DGKI: variants seen among roughly 807,000 people sequenced by gnomAD.
The protein encoded by DGKI is diacylglycerol kinase iota, also known as DAG kinase iota.
DGKI carries 55 observed loss-of-function variants against 147.5 expected under a neutral mutation model. That is an observed-to-expected ratio of 0.37 (90% CI 0.30 to 0.47). DGKI has a LOEUF of 0.47. Ranked by LOEUF, DGKI falls within the 20% of genes least tolerant of loss-of-function variation. The pLI is 1.00. For missense variants in DGKI, 1,007 were observed against 1,323.8 expected, an observed-to-expected ratio of 0.76 and a Z score of 3.71; for synonymous variants, 469 against 477.1, an observed-to-expected ratio of 0.98 and a Z score of 0.22.
chr7:137,585,017 A>AT lies in DGKI; in HGVS notation c.1563+191dup, dbSNP rs375757251. ...TTGGAAGCAGGTACGGAATCTAGGT[A>AT]TTTAGAGGTCTATGGGGCAGAATCA... On this transcript the variant is annotated intron_variant, in intron 14 of 32. Transcript: ENST00000614521. 4.7e-3 allele frequency among the ~76,000 whole-genome samples: 715 copies of AT among 152,332 alleles called. 7 individuals are homozygous for AT. Among genetic ancestry groups the AT allele is most frequent in the African/African-American group, 0.017 (687 of 41,584 alleles).
chr7:137,839,523 C>A (rs1372582026), intron 1 of DGKI, among the ~76,000 whole-genome samples: 1 of 152,122 alleles, frequency 6.6e-6, no homozygotes, highest in Non-Finnish European at 1.5e-5. Context: ...TCAAATAATT[C>A]TACAGGATGA....
At chr7:137,777,942 T>G (rs1796407883) in intron 1 of DGKI, among the ~76,000 whole-genome samples, 2 of 152,328 alleles carry the variant, frequency 1.3e-5, no homozygotes, top group South Asian at 2.1e-4. Flanking sequence ...ATCATGTGGC[T>G]ATTCAGTCCG....
chr7:137,629,027 T>C (rs984315513), intron 6 of DGKI, among the ~76,000 whole-genome samples: 1 of 152,226 alleles, frequency 6.6e-6, no homozygotes, highest in African/African-American at 2.4e-5. Flanking sequence ...CAAGAGTTGA[T>C]ATTCCTCCTA....
Position 137,638,617 on chromosome 7 carries a change from C to CATATATGTATATATGTGTATATAT in DGKI, c.804+6854_804+6855insATATATACACATATATACATATAT, listed in dbSNP as rs1563125886. Among the ~76,000 whole-genome samples, 24 of 5,590 alleles carry CATATATGTATATATGTGTATATAT rather than the reference C, an allele frequency of 4.3e-3. 6 individuals are homozygous for CATATATGTATATATGTGTATATAT. The highest frequency in any genetic ancestry group is 9.7e-3 in the African/African-American group (24 of 2,482). The allele number at this position is 5,590 out of a possible 152,430, so 3.7% of individuals were successfully genotyped here. On this transcript the variant is annotated intron_variant, in intron 6 of 32. Coordinates refer to ENST00000614521, the MANE Select transcript of DGKI (RefSeq NM_001321708.2). ...ATACATATATGTATATATATACACA[C>CATATATGTATATATGTGTATATAT]ACACATATATATGTGTGTATATATG...
intron 5 of DGKI, among the ~76,000 whole-genome samples, chr7:137,649,758 ATT>A (rs1182171659): frequency 1.1e-4 from 16 of 148,138 alleles, no homozygotes; most frequent in African/African-American, 3.7e-4. Flanking sequence ...GAAATAAAAA[ATT>A]TTATATATAT....
intron 20 of DGKI, among the ~76,000 whole-genome samples, chr7:137,532,863 A>G (rs1817388575): frequency 6.6e-6 from 1 of 152,216 alleles, no homozygotes; most frequent in Admixed American, 6.5e-5. Flanking sequence ...ATGACAGAAT[A>G]AAGACATTTC....
At chr7:137,480,153 C>T (rs1815322720) in intron 23 of DGKI, among the ~76,000 whole-genome samples, 1 of 152,142 alleles carries the variant, frequency 6.6e-6, no homozygotes, top group Admixed American at 6.5e-5. Flanking sequence ...TGTCTTCACT[C>T]GTAAGAGACA....
At chr7:137,441,284 GGTGGCGGCCGCCT>G (rs1321116573) in intron 28 of DGKI, among the ~76,000 whole-genome samples, 1 of 152,020 alleles carries the variant, frequency 6.6e-6, no homozygotes, top group Non-Finnish European at 1.5e-5. Context: ...AGCCGGGCAT[GGTGGCGGCCGCCT>G]GTAGTCCCAG....
intron 3 of DGKI, among the ~76,000 whole-genome samples, chr7:137,675,947 C>G (rs1823022912): frequency 6.6e-6 from 1 of 152,178 alleles, no homozygotes; most frequent in Non-Finnish European, 1.5e-5. Flanking sequence ...GCTCCTAATA[C>G]TCAGCTGTAG....
intron 20 of DGKI, among the ~76,000 whole-genome samples, chr7:137,536,223 A>G (rs970033434): frequency 1.3e-5 from 2 of 152,188 alleles, no homozygotes; most frequent in Non-Finnish European, 2.9e-5. Context: ...AACTTTATCA[A>G]TGTATAGCAT....
chr7:137,545,229 C>T (rs1383548067), intron 20 of DGKI, among the ~76,000 whole-genome samples: 1 of 151,922 alleles, frequency 6.6e-6, no homozygotes, highest in Non-Finnish European at 1.5e-5. Context: ...TGTAACAGTC[C>T]CTGAAACATA....
At chr7:137,560,175 C>A (rs1421407925) in intron 19 of DGKI, among the ~76,000 whole-genome samples, 2 of 151,690 alleles carry the variant, frequency 1.3e-5, no homozygotes, top group Admixed American at 1.3e-4. Flanking sequence ...ATGAAAAAAA[C>A]AAAATTATTG....
chr7:137,685,350 G>A (rs1363600643), intron 2 of DGKI, among the ~76,000 whole-genome samples: 2 of 152,160 alleles, frequency 1.3e-5, no homozygotes, highest in East Asian at 1.9e-4. Context: ...CACTGTTCAG[G>A]GGGTTGTTTT....
intron 1 of DGKI, among the ~76,000 whole-genome samples, chr7:137,757,619 T>C (rs868429290): frequency 6.6e-6 from 1 of 152,162 alleles, no homozygotes; most frequent in South Asian, 2.1e-4. Context: ...GTACCCATTA[T>C]CTGACCCTCA....
At chr7:137,803,081 C>T (rs375899454) in intron 1 of DGKI, among the ~76,000 whole-genome samples, 27 of 152,284 alleles carry the variant, frequency 1.8e-4, no homozygotes, top group African/African-American at 6.5e-4. Flanking sequence ...GGGCAGGTCG[C>T]TTGCATTAAG....
chr7:137,405,303 T>C (rs1811902506), intron 30 of DGKI, among the ~76,000 whole-genome samples: 1 of 152,190 alleles, frequency 6.6e-6, no homozygotes, highest in Non-Finnish European at 1.5e-5. Context: ...TGGAGTGCAG[T>C]GGTGCAATTC....
chr7:137,534,281 A>G (rs1384480037), intron 20 of DGKI, among the ~76,000 whole-genome samples: 1 of 152,078 alleles, frequency 6.6e-6, no homozygotes, highest in Admixed American at 6.6e-5. Context: ...TCCTGAATGC[A>G]GTAAATCCAT....
chr7:137,764,229 CTG>C (rs1795942127), intron 1 of DGKI, among the ~76,000 whole-genome samples: 1 of 150,284 alleles, frequency 6.7e-6, no homozygotes, highest in Admixed American at 6.6e-5. Flanking sequence ...CCCTGGGAAG[CTG>C]TGTTTTTAAA....
chr7:137,457,193 G>T (rs763176187), intron 27 of DGKI, among the ~76,000 whole-genome samples: 1 of 152,116 alleles, frequency 6.6e-6, no homozygotes, highest in Non-Finnish European at 1.5e-5. Flanking sequence ...AGGTAGAAAC[G>T]GGACCCAACT....
Sources: gnomAD v4.1 joint callset for allele counts (sites outside exome capture counted in the v4.1 genomes callset) on GRCh38, gnomAD v4.1.1 for gene constraint, MANE v1.5 for transcripts, NCBI Gene and HGNC (gene_info 2026-07-23, HGNC 2026-07-21) for gene names.